The following DYSF variants were observed in gnomAD, a reference collection of about 807,000 sequenced individuals.
DYSF encodes the protein dystrophy-associated fer-1-like 1.
Under a neutral mutation model 274.9 loss-of-function variants are expected in DYSF, and 212 were observed. The ratio of observed to expected loss-of-function variants is 0.77; its 90% CI spans 0.69 to 0.86. The LOEUF (loss-of-function observed/expected upper bound fraction) is 0.86, where lower values mean the gene tolerates loss of function less well. DYSF is among the 40% of genes least tolerant of loss of function. The pLI, the probability that DYSF is intolerant of heterozygous loss-of-function variation, is 0.00. For missense variants in DYSF, 2,666 were observed against 2,783.2 expected (o/e 0.96, Z 0.95); for synonymous variants, 1,091 against 1,078.7 (o/e 1.01, Z -0.22).
chr2:71,592,835 A>G (rs934195509), intron 32 of DYSF, among the ~76,000 whole-genome samples: 2 of 152,092 alleles, frequency 1.3e-5, no homozygotes, highest in African/African-American at 4.8e-5. Flanking sequence ...CATTGGGGCC[A>G]TGGCTGCTCC....
intron 3 of DYSF, among the ~76,000 whole-genome samples, chr2:71,502,610 C>T (rs1276105728): frequency 6.6e-6 from 1 of 152,138 alleles, no homozygotes; most frequent in African/African-American, 2.4e-5. Context: ...ATACATGTGC[C>T]CCACCCCTCC....
At chr2:71,684,868 C>G (rs1306885117) in intron 55 of DYSF, among the ~76,000 whole-genome samples, 1 of 152,204 alleles carries the variant, frequency 6.6e-6, no homozygotes, top group Non-Finnish European at 1.5e-5. Flanking sequence ...AGGGGCTGCA[C>G]TAGGTTAGCT....
At chr2:71,662,368 C>A (rs2094897072) in intron 45 of DYSF, among the ~76,000 whole-genome samples, 1 of 152,172 alleles carries the variant, frequency 6.6e-6, no homozygotes, top group Non-Finnish European at 1.5e-5. Flanking sequence ...GAATCCCGAG[C>A]TCCCTGATGG....
intron 13 of DYSF, among the ~76,000 whole-genome samples, chr2:71,527,906 C>A (rs953526213): frequency 3.3e-5 from 5 of 152,028 alleles, no homozygotes; most frequent in Non-Finnish European, 7.4e-5. Context: ...TAAATCGCTG[C>A]GCTAATAGAT....
intron 26 of DYSF, among the ~76,000 whole-genome samples, chr2:71,568,945 T>C (rs1359317176): frequency 6.6e-6 from 1 of 151,634 alleles, no homozygotes; most frequent in East Asian, 1.9e-4. Context: ...CGATCTCGGC[T>C]CACTGCAACC....
At chr2:71,555,798 C>T (rs1034163454) in intron 21 of DYSF, among the ~76,000 whole-genome samples, 167 bp from the exon 22 acceptor site, 1 of 152,194 alleles carries the variant, frequency 6.6e-6, no homozygotes, top group Non-Finnish European at 1.5e-5. Context: ...TTGGAAGGTT[C>T]TTGAGCCAGG....
At chr2:71,647,500 AT>A (rs1254615276) in intron 42 of DYSF, among the ~76,000 whole-genome samples, 1 of 152,228 alleles carries the variant, frequency 6.6e-6, no homozygotes, top group Non-Finnish European at 1.5e-5. Context: ...ATAAGTCAGC[AT>A]TTTTCCCCTT....
chr2:71,568,524 TTGGA>T (rs2092245460), intron 26 of DYSF, among the ~76,000 whole-genome samples, 186 bp downstream of exon 26: 1 of 152,190 alleles, frequency 6.6e-6, no homozygotes, highest in Non-Finnish European at 1.5e-5. Context: ...CCAGAAGGGC[TTGGA>T]TGGTCAGACA....
At chr2:71,671,343 GTT>G (rs1428012423) in intron 51 of DYSF, among the ~76,000 whole-genome samples, 1 of 152,242 alleles carries the variant, frequency 6.6e-6, no homozygotes, top group Non-Finnish European at 1.5e-5. Flanking sequence ...ACATGAGCCT[GTT>G]TCCATCAGAA....
chr2:71,577,528 C>A lies in DYSF; in HGVS notation c.3402+3157C>A, dbSNP rs1558522433. Among the ~76,000 whole-genome samples the A allele has an allele frequency of 8.7e-5, 13 of 149,294 alleles. No individual in the cohort carries two copies. In the East Asian group the frequency reaches 1.2e-3, roughly 14 times the overall value. On this transcript the variant is annotated intron_variant, in intron 30 of 55. Coordinates refer to ENST00000410020, the MANE Select transcript of DYSF (RefSeq NM_001130987.2). ...ACAGCCCCACTCTCATGCAGCCCCCCCACTCTCACACTAACACGTACACAA... is the reference window on the plus strand; with the variant it reads ...ACAGCCCCACTCTCATGCAGCCCCCACACTCTCACACTAACACGTACACAA...
chr2:71,481,871 T>C lies in DYSF; in HGVS notation c.148-8T>C. The stretch of plus-strand genomic sequence containing the variant: ...TAGGTTAAGATGCCTTTTCTCTTTT[T>C]CTTCCAGGGATTTGAATGGGACCTC... On this transcript the variant is annotated splice_polypyrimidine_tract_variant and splice_region_variant and intron_variant, in intron 2 of 55. Coordinates refer to ENST00000410020, the MANE Select transcript of DYSF (RefSeq NM_001130987.2). 1.2e-6 allele frequency: 2 copies of C among 1,613,622 alleles called. No homozygotes were observed. Among genetic ancestry groups the C allele is most frequent in the Admixed American group, 1.7e-5 (1 of 60,036 alleles).
intron 44 of DYSF, among the ~76,000 whole-genome samples, chr2:71,659,857 A>G (rs1297380105): frequency 6.6e-6 from 1 of 152,232 alleles, no homozygotes; most frequent in Admixed American, 6.5e-5. Context: ...TTGCCTTTAC[A>G]GGCATGAGGC....
At chr2:71,614,454 A>C (rs2093838761) in intron 40 of DYSF, among the ~76,000 whole-genome samples, 1 of 152,182 alleles carries the variant, frequency 6.6e-6, no homozygotes, top group African/African-American at 2.4e-5. Context: ...CTGCCCTGCC[A>C]GCCTTTCTGC....
intron 48 of DYSF, among the ~76,000 whole-genome samples, chr2:71,668,087 G>GGA (rs943328300): frequency 2.6e-5 from 4 of 152,080 alleles, no homozygotes; most frequent in African/African-American, 9.7e-5. Flanking sequence ...TTTTGGAAGA[G>GGA]GAGAAGGGGA....
At chr2:71,498,034 C>G (rs2084587995) in intron 3 of DYSF, among the ~76,000 whole-genome samples, 1 of 152,106 alleles carries the variant, frequency 6.6e-6, no homozygotes, top group South Asian at 2.1e-4. Flanking sequence ...ATCCTTTAGA[C>G]CCCCAATAAA....
Position 71,561,812 on chromosome 2 carries a change from C to T in DYSF, c.2277C>T (p.Tyr759=), listed in dbSNP as rs200188905. Residue 759 remains tyrosine, a synonymous_variant, in exon 23 of 56, where the codon TAC becomes TAT. Transcript: ENST00000410020. ...PSATHLDQYL[Y]QLRTHHLSQI... is the part of the protein sequence containing the mutation. ...CCACCCACCTGGACCAGTACCTGTA[C>T]CAGCTGCGCACCCATCACCTGAGCC... The T allele has an allele frequency of 6.2e-7, 1 of 1,614,182 alleles. No individual in the cohort carries two copies. Among genetic ancestry groups the T allele is most frequent in the East Asian group, 2.2e-5 (1 of 44,864 alleles).
rs2152950744 is a variant in DYSF, at chr2:71,664,347, G to GACGAA, written c.5085_5089dup (p.Lys1697ThrfsTer66). On this transcript the variant is annotated frameshift_variant, in exon 46 of 56. Transcript: ENST00000410020. LOFTEE classifies it high-confidence loss of function. ...CTATGACTATGACCTCCTCTCCAAG[G>GACGAA]ACGAAAAGATCGGTGAGACGGTCGT... 7.4e-6 allele frequency: 12 copies of GACGAA among 1,614,206 alleles called. No homozygotes were observed. Among genetic ancestry groups the GACGAA allele is most frequent in the Non-Finnish European group, 1.0e-5 (12 of 1,180,044 alleles).
rs1573529079 is a variant in DYSF, at chr2:71,497,969, G to T, written c.240-5245G>T. Among the ~76,000 whole-genome samples the T allele has an allele frequency of 6.6e-5, 10 of 152,216 alleles. No homozygotes were observed. In the South Asian group the frequency reaches 2.1e-3, roughly 32 times the overall value. ...TTACTTAATCTAGGTGGGTCTAGGG[G>T]CCAGGGGTGATTATCCTTCGCTTGT... On this transcript the variant is annotated intron_variant, in intron 3 of 55. Transcript: ENST00000410020.
At chr2:71,566,907 G>A (rs1225235063) in intron 24 of DYSF, among the ~76,000 whole-genome samples, 2 of 152,192 alleles carry the variant, frequency 1.3e-5, no homozygotes, top group African/African-American at 2.4e-5. Flanking sequence ...CCTCCTACCT[G>A]CCCTGGGCTC....
Sources: allele counts gnomAD v4.1 joint callset (sites outside exome capture counted in the v4.1 genomes callset), GRCh38; gene constraint gnomAD v4.1.1; transcripts MANE v1.5; gene names NCBI Gene and HGNC (gene_info 2026-07-23, HGNC 2026-07-21).